ZRANB3: variants seen among roughly 807,000 people sequenced by gnomAD.
ZRANB3 encodes the protein zinc finger RANBP2-type containing 3.
Under a neutral mutation model 133.8 loss-of-function variants are expected in ZRANB3, and 125 were observed. That is an observed-to-expected ratio of 0.93 (90% CI 0.81 to 1.08). ZRANB3 has a LOEUF of 1.08. ZRANB3 is among the 50% of genes least tolerant of loss of function. The probability of loss-of-function intolerance (pLI) is 0.00; values close to 1 mark genes in which losing one functional copy is unlikely to be tolerated. For missense variants in ZRANB3, 1,229 were observed against 1,275.5 expected, an observed-to-expected ratio of 0.96 and a Z score of 0.56; for synonymous variants, 387 against 432.7, an observed-to-expected ratio of 0.89 and a Z score of 1.31.
At chr2:135,276,299 A>T (rs1373958889) in intron 8 of ZRANB3, among the ~76,000 whole-genome samples, 1 of 150,932 alleles carries the variant, frequency 6.6e-6, no homozygotes, top group Non-Finnish European at 1.5e-5. Flanking sequence ...TTCAAGGAGT[A>T]CACAGATTAA....
chr2:135,510,991 G>A (rs534933412), intron 1 of ZRANB3: 1 of 785,936 alleles, frequency 1.3e-6, no homozygotes, highest in South Asian at 1.3e-5. Context: ...TCACAGATCG[G>A]TCTGGGTCCC....
Position 135,207,829 on chromosome 2 carries a change from G to C in ZRANB3, c.2614C>G (p.Leu872Val), listed in dbSNP as rs1573670500. 2 of 1,590,372 alleles carry C rather than the reference G, an allele frequency of 1.3e-6. No homozygotes were observed. Among genetic ancestry groups the C allele is most frequent in the Non-Finnish European group, 1.7e-6 (2 of 1,162,616 alleles). Residue 872 changes from leucine to valine, a missense_variant, in exon 19 of 21, where the codon CTT becomes GTT. Physicochemically the swap from Leu to Val is conservative, Grantham distance 32 (BLOSUM62 1). Coordinates refer to ENST00000264159, the MANE Select transcript of ZRANB3 (RefSeq NM_032143.4). Reference protein sequence around the residue: ...RPRDPFTKKLLEDGACVPFLN... With the variant: ...RPRDPFTKKLVEDGACVPFLN... Reference sequence around the variant, plus strand: ...AATGGGACACAGGCTCCATCTTCAAGAAGTTTTCTACAATTGATAAAAACA... The same window carrying C: ...AATGGGACACAGGCTCCATCTTCAACAAGTTTTCTACAATTGATAAAAACA...
intron 2 of ZRANB3, among the ~76,000 whole-genome samples, chr2:135,391,490 A>G (rs897768248): frequency 6.6e-6 from 1 of 152,248 alleles, no homozygotes; most frequent in Non-Finnish European, 1.5e-5. Context: ...GCATTAAAAT[A>G]TAAGAAAATA....
At chr2:135,462,361 T>C (rs1690799171) in intron 2 of ZRANB3, among the ~76,000 whole-genome samples, 1 of 152,156 alleles carries the variant, frequency 6.6e-6, no homozygotes. Context: ...GAAATAATCT[T>C]TGGCTACAAT....
intron 2 of ZRANB3, among the ~76,000 whole-genome samples, chr2:135,475,224 G>A (rs1559023259): frequency 6.6e-6 from 1 of 152,032 alleles, no homozygotes; most frequent in Non-Finnish European, 1.5e-5. Flanking sequence ...TTTCTGAATA[G>A]AAAAAACCCT....
intron 2 of ZRANB3, among the ~76,000 whole-genome samples, chr2:135,470,812 T>A (rs1691230289): frequency 6.6e-6 from 1 of 150,820 alleles, no homozygotes; most frequent in Admixed American, 6.6e-5. Context: ...TTCTTTTTTT[T>A]TTTTTTTGAG....
intron 6 of ZRANB3, among the ~76,000 whole-genome samples, chr2:135,327,682 G>A (rs1683902751): frequency 6.6e-6 from 1 of 152,120 alleles, no homozygotes; most frequent in African/African-American, 2.4e-5. Flanking sequence ...GATTTGACAA[G>A]TTACTTAACC....
chr2:135,280,374 C>T (rs1681044449), intron 8 of ZRANB3, among the ~76,000 whole-genome samples: 1 of 152,150 alleles, frequency 6.6e-6, no homozygotes, highest in South Asian at 2.1e-4. Context: ...TCGAGACCAG[C>T]TTGACCAACA....
At chr2:135,222,902 G>C (rs1398421482) in intron 15 of ZRANB3, among the ~76,000 whole-genome samples, 1 of 151,584 alleles carries the variant, frequency 6.6e-6, no homozygotes, top group African/African-American at 2.4e-5. Flanking sequence ...TTTGAACCCA[G>C]GAGTTTGAGA....
intron 11 of ZRANB3, among the ~76,000 whole-genome samples, chr2:135,266,110 A>G (rs1214758316): frequency 6.6e-6 from 1 of 151,870 alleles, no homozygotes; most frequent in Admixed American, 6.6e-5. Context: ...TTGGGAGGGT[A>G]AGGCAGAAGA....
At chr2:135,304,824 T>C (rs1415500637) in intron 8 of ZRANB3, among the ~76,000 whole-genome samples, 1 of 152,170 alleles carries the variant, frequency 6.6e-6, no homozygotes, top group Non-Finnish European at 1.5e-5. Context: ...AAGTTGTTAA[T>C]GATATTCTCT....
Position 135,199,016 on chromosome 2 carries a change from A to C in ZRANB3, c.*1326T>G, listed in dbSNP as rs1693511121. On this transcript the variant is annotated 3_prime_UTR_variant, in exon 21 of 21. Transcript: ENST00000264159. ...TCTTCCTCGGTCCTGTATTTTGTATAGTTCTGACTCTTTGCCCTCATGATT... is the reference window on the plus strand; with the variant it reads ...TCTTCCTCGGTCCTGTATTTTGTATCGTTCTGACTCTTTGCCCTCATGATT... 6.6e-6 allele frequency: 1 copy of C among 152,212 alleles called. No homozygotes were observed. Among genetic ancestry groups the C allele is most frequent in the Non-Finnish European group, 1.5e-5 (1 of 68,030 alleles). 9.4% of individuals were successfully genotyped at this position (152,212 alleles called of 1,614,324 possible).
At chr2:135,339,417 C>CA (rs898330440) in intron 6 of ZRANB3, among the ~76,000 whole-genome samples, 34 of 149,722 alleles carry the variant, frequency 2.3e-4, no homozygotes, top group African/African-American at 4.2e-4. Flanking sequence ...AAAAAAACAA[C>CA]AAAAAAAACA....
rs192507773 is a variant in ZRANB3 at position 135,479,850 on chromosome 2, T to G, written c.161+24479A>C. Among the ~76,000 whole-genome samples, 32 of 152,220 alleles carry G rather than the reference T, an allele frequency of 2.1e-4. 1 individual carries two copies. The highest frequency in any genetic ancestry group is 1.9e-3 in the Admixed American group (29 of 15,276). ...TGCCAAGATACGGTTTCTCATAAAT[T>G]AGATGAATCAGGCAGTATGCAATTA... is the stretch of plus-strand genomic sequence containing the variant. On this transcript the variant is annotated intron_variant, in intron 2 of 20. Transcript: ENST00000264159.
At chr2:135,353,096 G>A (rs188425060) in intron 4 of ZRANB3, among the ~76,000 whole-genome samples, 3 of 152,100 alleles carry the variant, frequency 2.0e-5, no homozygotes, top group Admixed American at 6.5e-5. Context: ...GATAATAAAC[G>A]ATCACAAAGC....
At chr2:135,287,758 G>C (rs1161893231) in intron 8 of ZRANB3, among the ~76,000 whole-genome samples, 1 of 143,254 alleles carries the variant, frequency 7.0e-6, no homozygotes, top group Non-Finnish European at 1.5e-5. Context: ...GTATAGCAAT[G>C]TTACTGATTT....
At chr2:135,230,448 A>G in intron 13 of ZRANB3, 65 bp downstream of exon 13, 1 of 1,403,670 alleles carries the variant, frequency 7.1e-7, no homozygotes, top group Non-Finnish European at 9.4e-7. Flanking sequence ...AGTCTCTAAA[A>G]GCACAGGTTA....
intron 2 of ZRANB3, among the ~76,000 whole-genome samples, chr2:135,484,276 T>C (rs1319074502): frequency 1.3e-5 from 2 of 152,154 alleles, no homozygotes; most frequent in Non-Finnish European, 2.9e-5. Context: ...ACAATAGCCA[T>C]ACAAAGAGTA....
At position 135,485,149 on chromosome 2, in the gene ZRANB3, A is replaced by AAAACAAAAC. The variant is rs1245071347; in HGVS notation, c.161+19171_161+19179dup. Among the ~76,000 whole-genome samples, 5 of 92,742 alleles carry AAAACAAAAC rather than the reference A, an allele frequency of 5.4e-5. No homozygotes were observed. The African/African-American group carries it at 6.1e-4, about 11-fold the overall frequency. 60.8% of individuals were successfully genotyped at this position (92,742 alleles called of 152,430 possible). On this transcript the variant is annotated intron_variant, in intron 2 of 20. Coordinates refer to ENST00000264159, the MANE Select transcript of ZRANB3 (RefSeq NM_032143.4). ...CTCAGAGAAACAAAACAAAACAAAC[A>AAAACAAAAC]AAACAAAACAAAACAAAACAAAACA...
Sources: gnomAD v4.1 joint callset for allele counts (sites outside exome capture counted in the v4.1 genomes callset) on GRCh38, gnomAD v4.1.1 for gene constraint, MANE v1.5 for transcripts, NCBI Gene and HGNC (gene_info 2026-07-23, HGNC 2026-07-21) for gene names.